Variants in MAGI2 observed in about 807,000 individuals in gnomAD.
MAGI2 encodes membrane-associated guanylate kinase, WW and PDZ domain-containing protein 2.
A neutral mutation model predicts 133.3 loss-of-function variants in MAGI2; 35 were observed. The ratio of observed to expected loss-of-function variants is 0.26; its 90% CI spans 0.20 to 0.35. The LOEUF is 0.35. Among genes scored for constraint, MAGI2 ranks in the 10% least tolerant of loss-of-function variants. The pLI, the probability that MAGI2 is intolerant of heterozygous loss-of-function variation, is 1.00. For missense variants in MAGI2, 1,636 were observed against 1,863.4 expected (o/e 0.88, Z 2.25); for synonymous variants, 729 against 710.6 (o/e 1.03, Z -0.41).
intron 20 of MAGI2, among the ~76,000 whole-genome samples, chr7:78,104,324 G>A (rs552200603): frequency 7.2e-4 from 110 of 152,086 alleles, no homozygotes; most frequent in African/African-American, 2.5e-3. Flanking sequence ...CTGGGTTCGC[G>A]CCATTCTCCT....
At chr7:78,669,946 C>G (rs1426128734) in intron 2 of MAGI2, among the ~76,000 whole-genome samples, 1 of 151,602 alleles carries the variant, frequency 6.6e-6, no homozygotes, top group Non-Finnish European at 1.5e-5. Flanking sequence ...CTATCTATGA[C>G]AAACCCACAG....
intron 6 of MAGI2, among the ~76,000 whole-genome samples, chr7:78,480,638 T>C (rs1470281757): frequency 6.6e-6 from 1 of 151,958 alleles, no homozygotes; most frequent in East Asian, 1.9e-4. Context: ...AAATATCTTA[T>C]GATTATATCA....
chr7:78,882,996 G>C (rs1795994754), intron 2 of MAGI2, among the ~76,000 whole-genome samples: 1 of 152,088 alleles, frequency 6.6e-6, no homozygotes, highest in Admixed American at 6.6e-5. Context: ...AGTATTGGAA[G>C]TCTAGCCAGA....
chr7:79,046,703 C>T (rs1370160202), intron 1 of MAGI2, among the ~76,000 whole-genome samples: 1 of 152,162 alleles, frequency 6.6e-6, no homozygotes, highest in Non-Finnish European at 1.5e-5. Context: ...CTTGCTTTTT[C>T]TACTGCATCA....
intron 5 of MAGI2, chr7:78,490,181 GATA>G (rs559045271): frequency 4.6e-5 from 15 of 325,254 alleles, no homozygotes; most frequent in African/African-American, 1.7e-4. Context: ...CACAGGCTCT[GATA>G]ATGTTTCCTG....
intron 1 of MAGI2, among the ~76,000 whole-genome samples, chr7:79,073,910 A>G (rs767852231): frequency 1.3e-5 from 2 of 151,318 alleles, no homozygotes; most frequent in African/African-American, 4.9e-5. Flanking sequence ...TTCCAGTCTT[A>G]TTCTTATTAA....
intron 2 of MAGI2, among the ~76,000 whole-genome samples, chr7:78,679,608 T>G (rs1195832367): frequency 2.6e-5 from 4 of 152,164 alleles, no homozygotes; most frequent in African/African-American, 9.7e-5. Flanking sequence ...CAGAAAGTGT[T>G]CACGATCACA....
intron 6 of MAGI2, among the ~76,000 whole-genome samples, chr7:78,414,790 C>A (rs1026623321): frequency 6.6e-6 from 1 of 152,028 alleles, no homozygotes; most frequent in Non-Finnish European, 1.5e-5. Context: ...CAAAAATAGG[C>A]TTGACAACTG....
chr7:79,189,454 T>G, intron 1 of MAGI2, among the ~76,000 whole-genome samples: 1 of 151,806 alleles, frequency 6.6e-6, no homozygotes, highest in East Asian at 1.9e-4. Flanking sequence ...GATACCCTAT[T>G]TTTAAAAAAT....
At chr7:78,819,170 T>C (rs1485392496) in intron 2 of MAGI2, among the ~76,000 whole-genome samples, 1 of 152,174 alleles carries the variant, frequency 6.6e-6, no homozygotes, top group Non-Finnish European at 1.5e-5. Context: ...TTTTATAAAC[T>C]GTTGGCTGCA....
intron 2 of MAGI2, among the ~76,000 whole-genome samples, chr7:78,763,338 ACCTGGGGAT>A (rs888652895): frequency 4.9e-4 from 75 of 152,292 alleles, no homozygotes; most frequent in African/African-American, 1.6e-3. Flanking sequence ...AGTTATTGTA[ACCTGGGGAT>A]CCGCACAGAA....
At chr7:78,603,375 A>C (rs148684362) in intron 3 of MAGI2, among the ~76,000 whole-genome samples, 2,505 of 152,306 alleles carry the variant, frequency 0.016, 32 homozygotes, top group African/African-American at 0.028. Context: ...TATCCTGAGG[A>C]AACGTTTTCT....
chr7:78,542,962 A>G (rs1268190088), intron 3 of MAGI2, among the ~76,000 whole-genome samples: 1 of 152,230 alleles, frequency 6.6e-6, no homozygotes, highest in Non-Finnish European at 1.5e-5. Flanking sequence ...AGAGATTCAC[A>G]AGCATGCATT....
intron 21 of MAGI2, chr7:78,078,636 C>G (rs1032439613): frequency 4.1e-6 from 2 of 492,514 alleles, no homozygotes; most frequent in African/African-American, 4.0e-5. Context: ...TGTAACAGTT[C>G]TAATATTTAA....
intron 9 of MAGI2, among the ~76,000 whole-genome samples, chr7:78,298,941 G>A (rs1442388394): frequency 6.8e-6 from 1 of 148,126 alleles, no homozygotes; most frequent in Admixed American, 6.9e-5. Context: ...TCAGCCTCCC[G>A]AGTAGCTGGG....
intron 3 of MAGI2, 93 bp from the exon 4 acceptor site, chr7:78,521,738 A>T: frequency 9.8e-7 from 1 of 1,025,158 alleles, no homozygotes; most frequent in Non-Finnish European, 1.5e-6. Context: ...ACACATTTTT[A>T]TCCTATTTTA....
chr7:78,308,758 C>T (rs1798450159), intron 9 of MAGI2, among the ~76,000 whole-genome samples: 1 of 152,136 alleles, frequency 6.6e-6, no homozygotes, highest in Admixed American at 6.6e-5. Flanking sequence ...CTGAGTTAGG[C>T]ATCAGTCACT....
intron 6 of MAGI2, among the ~76,000 whole-genome samples, chr7:78,406,763 A>T (rs1051717468): frequency 6.6e-6 from 1 of 152,056 alleles, no homozygotes; most frequent in Non-Finnish European, 1.5e-5. Flanking sequence ...ACAGCTGTAA[A>T]CTTATTGTAG....
chr7:78,926,830 T>G (rs1584415739), intron 2 of MAGI2, among the ~76,000 whole-genome samples: 1 of 142,954 alleles, frequency 7.0e-6, no homozygotes, highest in African/African-American at 2.7e-5. Context: ...GGGGAAAAGG[T>G]TTTTTTTTTT....
Sources: gnomAD v4.1 joint callset for allele counts (sites outside exome capture counted in the v4.1 genomes callset) on GRCh38, gnomAD v4.1.1 for gene constraint, MANE v1.5 for transcripts, NCBI Gene and HGNC (gene_info 2026-07-23, HGNC 2026-07-21) for gene names.